DENND4C: variants seen among roughly 807,000 people sequenced by gnomAD.
DENND4C encodes the protein DENN domain containing 4C.
Under a neutral mutation model 203.0 loss-of-function variants are expected in DENND4C, and 108 were observed. The ratio of observed to expected loss-of-function variants is 0.53; its 90% confidence interval spans 0.46 to 0.62. The LOEUF (loss-of-function observed/expected upper bound fraction) is 0.62, where lower values mean the gene tolerates loss of function less well. Ranked by LOEUF, DENND4C falls within the 20% of genes least tolerant of loss-of-function variation. The pLI is 0.00. For synonymous variants in DENND4C, 871 were observed against 792.4 expected, an observed-to-expected ratio of 1.10 and a Z score of -1.67; for missense variants, 2,481 against 2,301.2, an observed-to-expected ratio of 1.08 and a Z score of -1.60.
intron 16 of DENND4C, among the ~76,000 whole-genome samples, chr9:19,328,781 G>C (rs1286205918): frequency 1.3e-5 from 2 of 151,946 alleles, no homozygotes; most frequent in African/African-American, 4.8e-5. Context: ...GGGCGCAGTG[G>C]CTCACCCCTG....
chr9:19,302,700 T>G (rs1263068341), intron 9 of DENND4C, among the ~76,000 whole-genome samples: 1 of 152,238 alleles, frequency 6.6e-6, no homozygotes, highest in African/African-American at 2.4e-5. Context: ...GGCTCTGCCC[T>G]TCAGCAATCT....
chr9:19,299,299 T>A lies in DENND4C; in HGVS notation c.1166+12T>A. ...CCTTTACCACTAAGGTAATTACTGG[T>A]ATTTAAAATGATATATTTATTCAGT... On this transcript the variant is annotated intron_variant, in intron 8 of 32. Coordinates refer to ENST00000434457, the MANE Select transcript of DENND4C (RefSeq NM_001330640.2). 1 of 1,539,500 alleles carries A rather than the reference T, an allele frequency of 6.5e-7. No individual in the cohort carries two copies. The highest frequency in any genetic ancestry group is 8.8e-7 in the Non-Finnish European group (1 of 1,133,276).
intron 30 of DENND4C, among the ~76,000 whole-genome samples, chr9:19,365,162 C>T (rs529498809): frequency 6.6e-6 from 1 of 152,260 alleles, no homozygotes; most frequent in Admixed American, 6.5e-5. Context: ...GAATAAAATA[C>T]TAGCAGATCA....
intron 15 of DENND4C, among the ~76,000 whole-genome samples, chr9:19,327,811 T>G (rs773088501): frequency 2.0e-5 from 3 of 152,128 alleles, no homozygotes; most frequent in Non-Finnish European, 4.4e-5. Flanking sequence ...AGAGATTGAT[T>G]GAAAATAACA....
At chr9:19,298,176 A>C in intron 7 of DENND4C, 54 bp downstream of exon 7, 1 of 1,482,382 alleles carries the variant, frequency 6.7e-7, no homozygotes. Flanking sequence ...CACCTGAGTC[A>C]TTGCAGAGTG....
chr9:19,242,516 G>A (rs542316814), intron 1 of DENND4C, among the ~76,000 whole-genome samples: 24 of 152,218 alleles, frequency 1.6e-4, no homozygotes, highest in African/African-American at 5.3e-4. Context: ...CTTCCAAAAG[G>A]GCTGTTTTAT....
intron 32 of DENND4C, 108 bp from the exon 33 acceptor site, chr9:19,371,929 C>A: frequency 7.5e-7 from 1 of 1,326,156 alleles, no homozygotes; most frequent in Non-Finnish European, 1.0e-6. Flanking sequence ...ATTTCTACTT[C>A]TAAATATATA....
intron 31 of DENND4C, among the ~76,000 whole-genome samples, chr9:19,370,555 C>T (rs371763187): frequency 2.0e-5 from 3 of 152,198 alleles, no homozygotes; most frequent in African/African-American, 7.2e-5. Context: ...TTGCTGGAAA[C>T]CTATAATTAT....
chr9:19,319,409 CATAT>C (rs1254654216), intron 12 of DENND4C, among the ~76,000 whole-genome samples: 1 of 142,044 alleles, frequency 7.0e-6, no homozygotes, highest in Admixed American at 7.3e-5. Context: ...TATATACACA[CATAT>C]ATATATACAT....
At position 19,334,986 on chromosome 9, in the gene DENND4C, C is replaced by T. The variant is rs781276637; in HGVS notation, c.2470C>T (p.Arg824Ter). ...TTTTTTTTTTTGTTAGGTGTGCTAT[C>T]GAGTAGTGATGCAGCTTTGTGGACT... ...DVDPLDEVCY[R>*]VVMQLCGLWG... Residue 824 changes from arginine to a stop codon, truncating the protein, a stop_gained, in exon 18 of 33, where the codon CGA (arginine) becomes TGA (stop). Transcript: ENST00000434457. LOFTEE classifies it high-confidence loss of function. 1.9e-6 allele frequency: 3 copies of T among 1,593,282 alleles called. No homozygotes were observed. The highest frequency in any genetic ancestry group is 2.2e-5 in the East Asian group (1 of 44,558).
chr9:19,244,352 A>T (rs1461691949), intron 1 of DENND4C, among the ~76,000 whole-genome samples: 2 of 151,794 alleles, frequency 1.3e-5, no homozygotes, highest in East Asian at 3.9e-4. Context: ...AATTTGTCCT[A>T]TCTCTTGTTT....
Position 19,342,761 on chromosome 9 carries a change from A to G in DENND4C, c.3133A>G (p.Ser1045Gly). 1 of 1,605,174 alleles carries G rather than the reference A, an allele frequency of 6.2e-7. No individual in the cohort carries two copies. The highest frequency in any genetic ancestry group is 8.5e-7 in the Non-Finnish European group (1 of 1,176,682). ...TCCGTCTGGTATATTTGATGTCAAC[A>G]GCAGGAAAAGTAGCACTGGTGAGTC... is the stretch of plus-strand genomic sequence containing the variant. ...KVPSGIFDVNSRKSSTGSISN... is the reference protein window; with the variant it reads ...KVPSGIFDVNGRKSSTGSISN... Residue 1045 changes from serine (S) to glycine (G), a missense_variant, in exon 22 of 33, where the codon AGC (serine) becomes GGC (glycine). By Grantham distance (56) the Ser-to-Gly change is moderately conservative. Around this residue, in one of 3 missense-constraint regions of DENND4C, gnomAD observed 2,289 missense variants for 2,113.3 expected, o/e 1.08. Transcript: ENST00000434457.
chr9:19,249,347 G>A (rs1435010407), intron 1 of DENND4C, among the ~76,000 whole-genome samples: 4 of 150,986 alleles, frequency 2.6e-5, no homozygotes, highest in Non-Finnish European at 5.9e-5. Context: ...CCACCTCCTG[G>A]GTTCAAATGA....
intron 1 of DENND4C, among the ~76,000 whole-genome samples, chr9:19,244,687 C>T (rs1027841109): frequency 4.0e-5 from 6 of 148,524 alleles, no homozygotes; most frequent in African/African-American, 7.5e-5. Flanking sequence ...TTGCAGTGAG[C>T]GGAGATCGTG....
rs950679179 is a variant in DENND4C at position 19,233,502 on chromosome 9, A to G, written c.-18+2669A>G. ...GCAGGAAGAAGTTTAAAGCTTTAAAACATTTTCTACATTTGTTAAGTATGT... is the reference window on the plus strand; with the variant it reads ...GCAGGAAGAAGTTTAAAGCTTTAAAGCATTTTCTACATTTGTTAAGTATGT... On this transcript the variant is annotated intron_variant, in intron 1 of 32. Coordinates refer to ENST00000434457, the MANE Select transcript of DENND4C (RefSeq NM_001330640.2). Among the ~76,000 whole-genome samples, 32 of 152,058 alleles carry G rather than the reference A, an allele frequency of 2.1e-4. 1 individual carries two copies. Among genetic ancestry groups the G allele is most frequent in the African/African-American group, 6.8e-4 (28 of 41,410 alleles).
intron 5 of DENND4C, among the ~76,000 whole-genome samples, chr9:19,295,096 G>A (rs980941932): frequency 6.6e-5 from 10 of 152,220 alleles, no homozygotes; most frequent in African/African-American, 2.4e-4. Flanking sequence ...CACAGGCCGG[G>A]TGCAGTGGCT....
intron 1 of DENND4C, among the ~76,000 whole-genome samples, chr9:19,254,903 G>A (rs761247618): frequency 2.0e-5 from 3 of 152,098 alleles, no homozygotes; most frequent in Non-Finnish European, 2.9e-5. Context: ...AGGCTGAGGC[G>A]TGTAGATCAT....
At chr9:19,281,686 G>C (rs1273680816) in intron 2 of DENND4C, among the ~76,000 whole-genome samples, 1 of 152,096 alleles carries the variant, frequency 6.6e-6, no homozygotes, top group Non-Finnish European at 1.5e-5. Context: ...CTTAACGATG[G>C]GAATACATTC....
At chr9:19,243,333 C>G (rs1304669803) in intron 1 of DENND4C, among the ~76,000 whole-genome samples, 2 of 152,092 alleles carry the variant, frequency 1.3e-5, no homozygotes, top group African/African-American at 4.8e-5. Flanking sequence ...TCCTTCATTC[C>G]TTTTTTAAAA....
Sources: gnomAD v4.1 joint callset for allele counts (sites outside exome capture counted in the v4.1 genomes callset) on GRCh38, gnomAD v4.1.1 for gene constraint, gnomAD v4.1.1 regional missense constraint, MANE v1.5 for transcripts, NCBI Gene and HGNC (gene_info 2026-07-23, HGNC 2026-07-21) for gene names.